The following RASSF5 variants were observed in gnomAD, a reference collection of about 807,000 sequenced individuals.
RASSF5 encodes the protein ras association domain-containing protein 5.
A neutral mutation model predicts 40.5 loss-of-function variants in RASSF5; 25 were observed. The observed-to-expected ratio is 0.62, with a 90% confidence interval of 0.45 to 0.86. The LOEUF is 0.86. Ranked by LOEUF, RASSF5 falls within the 40% of genes least tolerant of loss-of-function variation. The probability of loss-of-function intolerance (pLI) is 0.00; values close to 1 mark genes in which losing one functional copy is unlikely to be tolerated. For missense variants in RASSF5, 521 were observed against 572.8 expected (o/e 0.91, Z 0.92); for synonymous variants, 246 against 252.4 (o/e 0.97, Z 0.24).
chr1:206,509,429 G>A (rs1284835139), intron 1 of RASSF5, among the ~76,000 whole-genome samples: 1 of 152,254 alleles, frequency 6.6e-6, no homozygotes, highest in African/African-American at 2.4e-5. Flanking sequence ...AAGGAGTAAA[G>A]GTTTGTAGAG....
chr1:206,584,545 C>G lies in RASSF5; in HGVS notation c.849C>G (p.Pro283=). The change falls in exon 4 of 6, where the codon CCC becomes CCG. Residue 283 remains proline (P), a synonymous_variant. Transcript: ENST00000579436. This position sits in a 1 kb window ranked among gnomAD's most constrained non-coding sequence, Gnocchi z 4.9. ...ACAAGCGGACATCCTTCTACCTGCC[C>G]CTAGATGCCATCAAGCAGCTGCACA... ...TTDKRTSFYL[P]LDAIKQLHIS... The G allele has an allele frequency of 6.2e-7, 1 of 1,614,126 alleles. No individual in the cohort carries two copies. The highest frequency in any genetic ancestry group is 8.5e-7 in the Non-Finnish European group (1 of 1,180,010).
chr1:206,578,397 GTGA>G (rs1553405604), intron 2 of RASSF5, among the ~76,000 whole-genome samples: 1 of 152,122 alleles, frequency 6.6e-6, no homozygotes, highest in Non-Finnish European at 1.5e-5. Context: ...CACATTTGCT[GTGA>G]TGATGAAATG....
rs1572378694 is a variant in RASSF5 at position 206,587,299 on chromosome 1, A to C, written c.*321A>C. On this transcript the variant is annotated 3_prime_UTR_variant, in exon 6 of 6. Transcript: ENST00000579436. ...TCTCGTCACCAAACTGGAACCTCAC[A>C]CCAGCCGGCAAAGGAAGGAAGAAAG... The C allele has an allele frequency of 2.8e-6, 1 of 356,074 alleles. No individual in the cohort carries two copies. Among genetic ancestry groups the C allele is most frequent in the Non-Finnish European group, 5.4e-6 (1 of 185,654 alleles). The allele number at this position is 356,074 out of a possible 1,614,324, so 22.1% of individuals were successfully genotyped here.
intron 1 of RASSF5, among the ~76,000 whole-genome samples, chr1:206,510,940 TG>T (rs1371981928): frequency 6.6e-6 from 1 of 152,184 alleles, no homozygotes; most frequent in East Asian, 1.9e-4. Context: ...AGACTGACAC[TG>T]GGTGGGAACC....
intron 1 of RASSF5, among the ~76,000 whole-genome samples, chr1:206,533,772 A>T (rs1488004143): frequency 6.6e-6 from 1 of 152,108 alleles, no homozygotes; most frequent in African/African-American, 2.4e-5. Flanking sequence ...GAAAAAAAAA[A>T]GTTCTAACCC....
chr1:206,546,595 G>T (rs2103530107), intron 2 of RASSF5, among the ~76,000 whole-genome samples: 1 of 152,036 alleles, frequency 6.6e-6, no homozygotes, highest in Admixed American at 6.5e-5. Flanking sequence ...GTATATAAAT[G>T]GTCCTTAATT....
intron 2 of RASSF5, chr1:206,557,421 C>T: frequency 5.7e-6 from 8 of 1,412,794 alleles, no homozygotes; most frequent in Non-Finnish European, 7.4e-6. Flanking sequence ...CCGGCTCTGC[C>T]TGGTCCGCTA....
Position 206,523,423 on chromosome 1 carries a change from TTATATAA to T in RASSF5, c.458-14743_458-14737del, listed in dbSNP as rs1203609306. Among the ~76,000 whole-genome samples, 528 of 96,772 alleles carry T rather than the reference TTATATAA, an allele frequency of 5.5e-3. 3 individuals carry two copies. The highest frequency in any genetic ancestry group is 0.035 in the Middle Eastern group (7 of 198). 63.5% of individuals were successfully genotyped at this position (96,772 alleles called of 152,430 possible). A position where few individuals can be genotyped will look rare whatever the true frequency, so the allele number is the denominator to read the frequency against. ...AAATATAAATATTATATATTATATA[TTATATAA>T]TATATTTTATATATAATATATAATA... On this transcript the variant is annotated intron_variant, in intron 1 of 5. Transcript: ENST00000579436.
chr1:206,518,332 G>A lies in RASSF5; in HGVS notation c.457+10273G>A, dbSNP rs547562614. On this transcript the variant is annotated intron_variant, in intron 1 of 5. Transcript: ENST00000579436. ...CCCTCCCCGGAGCCCTCCCCCACCC[G>A]GCACTCCACCCCTGACGCCAAGCCT... 1.2e-4 allele frequency: 28 copies of A among 227,246 alleles called. 1 individual carries two copies. In the South Asian group the frequency reaches 1.7e-3, roughly 13 times the overall value. The allele number at this position is 227,246 out of a possible 1,614,324, so 14.1% of individuals were successfully genotyped here.
intron 1 of RASSF5, chr1:206,529,765 CA>C (rs34769485): frequency 1.1e-3 from 442 of 393,658 alleles, no homozygotes; most frequent in Non-Finnish European, 1.4e-3. Context: ...ATTTTTCCTT[CA>C]AAAAAAAAAT....
chr1:206,519,935 G>A (rs570715338), intron 1 of RASSF5, among the ~76,000 whole-genome samples: 2 of 152,082 alleles, frequency 1.3e-5, no homozygotes, highest in Non-Finnish European at 2.9e-5. Context: ...AAGAGAATTG[G>A]ACACCGAGTT....
chr1:206,578,943 G>C (rs782573717), intron 2 of RASSF5, among the ~76,000 whole-genome samples: 2 of 152,180 alleles, frequency 1.3e-5, no homozygotes, highest in African/African-American at 4.8e-5. Context: ...GGGCAAATCT[G>C]CCCTGAGTTA....
At chr1:206,534,600 A>G (rs1553398392) in intron 1 of RASSF5, among the ~76,000 whole-genome samples, 1 of 152,024 alleles carries the variant, frequency 6.6e-6, no homozygotes, top group Non-Finnish European at 1.5e-5. Context: ...TGCACCCTGA[A>G]GCCCTCCCTG....
intron 2 of RASSF5, chr1:206,571,565 C>T (rs1668450303): frequency 6.6e-6 from 1 of 152,178 alleles, no homozygotes; most frequent in East Asian, 1.9e-4. Context: ...GGGACACAGG[C>T]TTGTACCACT....
intron 2 of RASSF5, among the ~76,000 whole-genome samples, chr1:206,574,907 T>A (rs1337580272): frequency 2.7e-5 from 4 of 145,590 alleles, no homozygotes; most frequent in African/African-American, 7.6e-5. Flanking sequence ...TCATCCAGGC[T>A]GGAGTGCAGT....
At chr1:206,510,055 G>A (rs2103498644) in intron 1 of RASSF5, among the ~76,000 whole-genome samples, 1 of 152,310 alleles carries the variant, frequency 6.6e-6, no homozygotes, top group East Asian at 1.9e-4. Flanking sequence ...TGTTTGTCAT[G>A]ATTAATATTT....
At chr1:206,553,401 G>C (rs2103535407) in intron 2 of RASSF5, among the ~76,000 whole-genome samples, 1 of 152,284 alleles carries the variant, frequency 6.6e-6, no homozygotes, top group South Asian at 2.1e-4. Flanking sequence ...GGAGGAGGCA[G>C]AGATAGAAAC....
At position 206,584,975 on chromosome 1, in the gene RASSF5, T is replaced by C. The variant is rs995429758; in HGVS notation, c.989-205T>C. Reference sequence around the variant, plus strand: ...CTAATCTTTCAGGAGATGATGTGAATGGAATCATGCTTTAAACTCTGAGCA... The same window carrying C: ...CTAATCTTTCAGGAGATGATGTGAACGGAATCATGCTTTAAACTCTGAGCA... On this transcript the variant is annotated intron_variant, in intron 4 of 5. Coordinates refer to ENST00000579436, the MANE Select transcript of RASSF5 (RefSeq NM_182663.4). This position sits in a 1 kb window ranked among gnomAD's most constrained non-coding sequence, Gnocchi z 4.9. 1.6e-6 allele frequency: 1 copy of C among 608,396 alleles called. No homozygotes were observed. The highest frequency in any genetic ancestry group is 2.9e-5 in the Admixed American group (1 of 34,120). The allele number at this position is 608,396 out of a possible 1,614,324, so 37.7% of individuals were successfully genotyped here. A position where few individuals can be genotyped will look rare whatever the true frequency, so the allele number is the denominator to read the frequency against.
chr1:206,546,206 C>T (rs1667689088), intron 2 of RASSF5, among the ~76,000 whole-genome samples: 1 of 146,144 alleles, frequency 6.8e-6, no homozygotes, highest in South Asian at 2.2e-4. Context: ...CCTCCCCAAG[C>T]TCAGGTGATC....
Sources: allele counts gnomAD v4.1 joint callset (sites outside exome capture counted in the v4.1 genomes callset), GRCh38; gene constraint gnomAD v4.1.1; non-coding constraint Gnocchi (gnomAD v3.1); transcripts MANE v1.5; gene names NCBI Gene and HGNC (gene_info 2026-07-23, HGNC 2026-07-21).